Variants in RTN4IP1 observed in about 807,000 individuals in gnomAD.
RTN4IP1 encodes the protein NAD(P)H oxidoreductase RTN4IP1, mitochondrial.
Under a neutral mutation model 46.6 loss-of-function variants are expected in RTN4IP1, and 32 were observed. That is an observed-to-expected ratio of 0.69 (90% CI 0.52 to 0.92). RTN4IP1 has a LOEUF of 0.92. RTN4IP1 is among the 40% of genes least tolerant of loss of function. The pLI, the probability that RTN4IP1 is intolerant of heterozygous loss-of-function variation, is 0.00. For missense variants in RTN4IP1, 424 were observed against 485.8 expected, an observed-to-expected ratio of 0.87 and a Z score of 1.20; for synonymous variants, 167 against 161.8, an observed-to-expected ratio of 1.03 and a Z score of -0.24.
intron 6 of RTN4IP1, among the ~76,000 whole-genome samples, chr6:106,590,084 A>G (rs929282567): frequency 6.6e-6 from 1 of 151,566 alleles, no homozygotes; most frequent in African/African-American, 2.4e-5. Context: ...TTGGGAGACC[A>G]AGGAAGGCGG....
At chr6:106,583,632 T>A in intron 7 of RTN4IP1, 1 of 461,460 alleles carries the variant, frequency 2.2e-6, no homozygotes, top group Non-Finnish European at 4.0e-6. Flanking sequence ...CAAAGACATA[T>A]CCATGTCACT....
Position 106,583,994 on chromosome 6 carries a change from C to T in RTN4IP1, c.991-574G>A, listed in dbSNP as rs562517372. 3.6e-4 allele frequency among the ~76,000 whole-genome samples: 55 copies of T among 152,274 alleles called. No homozygotes were observed. The South Asian group carries it at 0.011, about 32-fold the overall frequency. ...GCTGAATCTTTCCCTATGGTTATGG[C>T]AAATACAAAGCCATCTCATCTATTA... On this transcript the variant is annotated intron_variant, in intron 7 of 8. Transcript: ENST00000369063.
At chr6:106,586,425 A>T (rs1197288094) in intron 7 of RTN4IP1, among the ~76,000 whole-genome samples, 1 of 151,812 alleles carries the variant, frequency 6.6e-6, no homozygotes, top group South Asian at 2.1e-4. Context: ...CCCAGGCTGC[A>T]GTACAGTGGC....
At chr6:106,605,480 G>C (rs982535556) in intron 4 of RTN4IP1, among the ~76,000 whole-genome samples, 1 of 150,596 alleles carries the variant, frequency 6.6e-6, no homozygotes, top group Non-Finnish European at 1.5e-5. Flanking sequence ...AAGCCACTGA[G>C]GAATTACTGA....
chr6:106,626,894 C>G (rs1776663562), intron 1 of RTN4IP1, among the ~76,000 whole-genome samples: 1 of 152,134 alleles, frequency 6.6e-6, no homozygotes, highest in South Asian at 2.1e-4. Context: ...CATTTTTTCC[C>G]CATGTAAAAA....
rs1491421400 is a variant in RTN4IP1 at position 106,605,814 on chromosome 6, C to CACA, written c.621-2893_621-2892insTGT. On this transcript the variant is annotated intron_variant, in intron 4 of 8. Transcript: ENST00000369063. Reference sequence around the variant, plus strand: ...CCTGGGCGACAGAGCAAGACTCTGTCCCAAAAAAAAAAAAAAAAAAAAAAA... The same window carrying CACA: ...CCTGGGCGACAGAGCAAGACTCTGTCACACCAAAAAAAAAAAAAAAAAAAAAAA... Among the ~76,000 whole-genome samples the CACA allele has an allele frequency of 2.7e-4, 26 of 96,706 alleles. 2 individuals carry two copies. The highest frequency in any genetic ancestry group is 1.0e-3 in the South Asian group (3 of 2,982). 63.4% of individuals were successfully genotyped at this position (96,706 alleles called of 152,430 possible).
At chr6:106,615,783 C>T (rs2353038) in intron 4 of RTN4IP1, among the ~76,000 whole-genome samples, 95,057 of 151,594 alleles carry the variant, frequency 0.63, 31,512 homozygotes, top group South Asian at 0.76. Context: ...AAAAAATATC[C>T]GGTTGTAACA....
intron 6 of RTN4IP1, among the ~76,000 whole-genome samples, chr6:106,591,947 T>C (rs1775672911): frequency 6.6e-6 from 1 of 152,068 alleles, no homozygotes. Context: ...GTAAGCAAAA[T>C]AACTTCCTCA....
At chr6:106,575,411 C>T (rs1456442825) in intron 8 of RTN4IP1, among the ~76,000 whole-genome samples, 1 of 152,246 alleles carries the variant, frequency 6.6e-6, no homozygotes, top group East Asian at 1.9e-4. Context: ...CGCTGCCTGA[C>T]ATCACTTCTG....
Position 106,619,333 on chromosome 6 carries a change from T to C in RTN4IP1, c.496-7A>G, listed in dbSNP as rs1009251424. The C allele has an allele frequency of 6.2e-7, 1 of 1,613,904 alleles. No individual in the cohort carries two copies. ...ATTTGGGTTTGTGAGAGACCTACATTTGAAGACAACAGTCAAAAATAAGCA... is the reference window on the plus strand; with the variant it reads ...ATTTGGGTTTGTGAGAGACCTACATCTGAAGACAACAGTCAAAAATAAGCA... On this transcript the variant is annotated splice_region_variant and splice_polypyrimidine_tract_variant and intron_variant, in intron 3 of 8. Coordinates refer to ENST00000369063, the MANE Select transcript of RTN4IP1 (RefSeq NM_032730.5).
chr6:106,629,321 A>T lies in RTN4IP1; in HGVS notation c.-300T>A. On this transcript the variant is annotated 5_prime_UTR_variant, in exon 1 of 9. Transcript: ENST00000369063. ...AAAAAAAAAGGGGGGGCGGGGCATT[A>T]AAAAGCAGGTGCGCAAACCCCCTAG... 3.8e-6 allele frequency: 2 copies of T among 530,508 alleles called. No homozygotes were observed. The highest frequency in any genetic ancestry group is 2.6e-5 in the South Asian group (1 of 38,464). The allele number at this position is 530,508 out of a possible 1,614,324, so 32.9% of individuals were successfully genotyped here. A position where few individuals can be genotyped will look rare whatever the true frequency, so the allele number is the denominator to read the frequency against.
chr6:106,622,326 G>A (rs1776503365), intron 2 of RTN4IP1, among the ~76,000 whole-genome samples: 1 of 152,216 alleles, frequency 6.6e-6, no homozygotes, highest in Admixed American at 6.5e-5. Flanking sequence ...ATTGTAAGAG[G>A]AAAAATTATA....
intron 3 of RTN4IP1, among the ~76,000 whole-genome samples, chr6:106,619,901 G>A (rs1253048289): frequency 1.3e-5 from 2 of 151,282 alleles, no homozygotes; most frequent in African/African-American, 4.9e-5. Flanking sequence ...GTAAGCCACC[G>A]CGCCTGGCCT....
At position 106,629,087 on chromosome 6, in the gene RTN4IP1, C is replaced by T; in HGVS notation, c.-66G>A. 6.8e-7 allele frequency: 1 copy of T among 1,468,554 alleles called. No individual in the cohort carries two copies. Among genetic ancestry groups the T allele is most frequent in the Non-Finnish European group, 9.2e-7 (1 of 1,091,976 alleles). The allele number at this position is 1,468,554 out of a possible 1,614,324, so 91.0% of individuals were successfully genotyped here. A position where few individuals can be genotyped will look rare whatever the true frequency, so the allele number is the denominator to read the frequency against. On this transcript the variant is annotated 5_prime_UTR_variant, in exon 1 of 9. Transcript: ENST00000369063. ...CTTGGACTGGATCAAACTCTCACCCCTGAATTCAGTCAAATTCTGCCAAAC... is the reference window on the plus strand; with the variant it reads ...CTTGGACTGGATCAAACTCTCACCCTTGAATTCAGTCAAATTCTGCCAAAC...
chr6:106,614,950 A>G (rs1434093752), intron 4 of RTN4IP1, among the ~76,000 whole-genome samples: 1 of 146,958 alleles, frequency 6.8e-6, no homozygotes, highest in South Asian at 2.2e-4. Flanking sequence ...TCAAGTGCCC[A>G]CAGCCCCCAC....
intron 4 of RTN4IP1, among the ~76,000 whole-genome samples, chr6:106,616,476 T>C (rs903409492): frequency 6.6e-6 from 1 of 152,204 alleles, no homozygotes; most frequent in African/African-American, 2.4e-5. Flanking sequence ...ATTTTGTTTT[T>C]TTTTAATTAA....
chr6:106,581,785 C>T (rs1194333883), intron 8 of RTN4IP1, among the ~76,000 whole-genome samples: 1 of 152,148 alleles, frequency 6.6e-6, no homozygotes, highest in Non-Finnish European at 1.5e-5. Flanking sequence ...ACAGTAATTT[C>T]CAGGCAGAGA....
At position 106,572,004 on chromosome 6, in the gene RTN4IP1, C is replaced by T; in HGVS notation, c.1183G>A (p.Val395Ile). The T allele has an allele frequency of 6.2e-7, 1 of 1,610,770 alleles. No homozygotes were observed. Among genetic ancestry groups the T allele is most frequent in the East Asian group, 2.2e-5 (1 of 44,868 alleles). Residue 395 changes from valine to isoleucine, a missense_variant, in exon 9 of 9, where the codon GTT becomes ATT. Coordinates refer to ENST00000369063, the MANE Select transcript of RTN4IP1 (RefSeq NM_032730.5). ...CTAAACTGCATTTTTATTTAAACAA[C>T]ATTAATTACAGTCTTTCCTCGTGCG... ...GHARGKTVIN[V>I]V
chr6:106,622,746 G>GTC, intron 2 of RTN4IP1, 72 bp downstream of exon 2: 1 of 1,476,854 alleles, frequency 6.8e-7, no homozygotes, highest in South Asian at 1.3e-5. Context: ...GTCAGTGTGC[G>GTC]TCTCTCATCC....
Sources: allele counts gnomAD v4.1 joint callset (sites outside exome capture counted in the v4.1 genomes callset), GRCh38; gene constraint gnomAD v4.1.1; transcripts MANE v1.5; gene names NCBI Gene and HGNC (gene_info 2026-07-23, HGNC 2026-07-21).